Variants in CLTA observed in about 807,000 individuals in gnomAD.
CLTA encodes clathrin light chain A.
Under a neutral mutation model 26.9 loss-of-function variants are expected in CLTA, and 9 were observed. The observed-to-expected ratio is 0.33, with a 90% CI of 0.20 to 0.58. CLTA has a LOEUF of 0.58. Among genes scored for constraint, CLTA ranks in the 20% least tolerant of loss-of-function variants. The probability of loss-of-function intolerance (pLI) is 0.85; values close to 1 mark genes in which losing one functional copy is unlikely to be tolerated. For missense variants in CLTA, 278 were observed against 294.2 expected (o/e 0.94, Z 0.40); for synonymous variants, 120 against 115.5 (o/e 1.04, Z -0.25).
chr9:36,197,608 T>C lies in CLTA; in HGVS notation c.255+20T>C. 1 of 1,564,130 alleles carries C rather than the reference T, an allele frequency of 6.4e-7. No individual in the cohort carries two copies. Among genetic ancestry groups the C allele is most frequent in the Non-Finnish European group, 8.8e-7 (1 of 1,138,552 alleles). On this transcript the variant is annotated intron_variant, in intron 2 of 4. Transcript: ENST00000345519. ...TACCAGGTACAGAGTACTCTGATTC[T>C]GTTCATTGATAGTGATTGAGAATCT...
chr9:36,201,048 A>G (rs1827373139), intron 3 of CLTA, among the ~76,000 whole-genome samples: 1 of 152,178 alleles, frequency 6.6e-6, no homozygotes, highest in Non-Finnish European at 1.5e-5. Context: ...TTTCTTCTCC[A>G]TGGAGAGAGT....
chr9:36,191,343 TTC>T lies in CLTA; in HGVS notation c.217+72_217+73del. The T allele has an allele frequency of 2.1e-6, 3 of 1,416,114 alleles. No homozygotes were observed. In the South Asian group the frequency reaches 4.4e-5, roughly 21 times the overall value. 87.7% of individuals were successfully genotyped at this position (1,416,114 alleles called of 1,614,324 possible). A position where few individuals can be genotyped will look rare whatever the true frequency, so the allele number is the denominator to read the frequency against. ...CTCGGTCCACAGTGGGTCCGAGAGCTTCTGTGTGACTCGTGCTCCTTGCTGAA... is the reference window on the plus strand; with the variant it reads ...CTCGGTCCACAGTGGGTCCGAGAGCTTGTGTGACTCGTGCTCCTTGCTGAA... On this transcript the variant is annotated intron_variant, in intron 1 of 4. Coordinates refer to ENST00000345519, the MANE Select transcript of CLTA (RefSeq NM_001833.4).
chr9:36,192,717 G>A (rs1826803079), intron 1 of CLTA, among the ~76,000 whole-genome samples: 1 of 152,082 alleles, frequency 6.6e-6, no homozygotes, highest in Non-Finnish European at 1.5e-5. Flanking sequence ...AGAGAGAAAC[G>A]ACTTGCTTAA....
intron 3 of CLTA, 29 bp downstream of exon 3, chr9:36,199,125 CTG>C: frequency 7.0e-7 from 1 of 1,429,048 alleles, no homozygotes; most frequent in African/African-American, 1.4e-5. Context: ...GTTTTGGTGT[CTG>C]TTTTCAGTGG....
Position 36,211,682 on chromosome 9 carries a change from G to C in CLTA, c.565G>C (p.Asp189His), listed in dbSNP as rs1450092937. The C allele has an allele frequency of 1.2e-6, 2 of 1,614,086 alleles. No individual in the cohort carries two copies. Among genetic ancestry groups the C allele is most frequent in the Admixed American group, 1.7e-5 (1 of 60,010 alleles). ...TEWERVARLC[D>H]FNPKSSKQAK... ...GTGGGAACGGGTGGCCCGGCTGTGT[G>C]ACTTTAACCCCAAGTCTAGCAAGCA... The change falls in exon 5 of 5, where the codon GAC becomes CAC. Residue 189 changes from aspartate to histidine, a missense_variant. Physicochemically the swap from Asp to His is moderately conservative, Grantham distance 81. Coordinates refer to ENST00000345519, the MANE Select transcript of CLTA (RefSeq NM_001833.4).
chr9:36,207,742 A>G (rs933606405), intron 4 of CLTA, among the ~76,000 whole-genome samples: 1 of 152,228 alleles, frequency 6.6e-6, no homozygotes, highest in African/African-American at 2.4e-5. Flanking sequence ...AAGGAGCAAG[A>G]GCCTGACATT....
chr9:36,191,493 G>A (rs189945560), intron 1 of CLTA, among the ~76,000 whole-genome samples: 1 of 152,218 alleles, frequency 6.6e-6, no homozygotes, highest in Admixed American at 6.5e-5. Flanking sequence ...CGGGCGGAGC[G>A]AGAAAGCAAG....
chr9:36,207,608 G>A (rs1030053555), intron 4 of CLTA, among the ~76,000 whole-genome samples: 20 of 152,212 alleles, frequency 1.3e-4, no homozygotes, highest in African/African-American at 4.8e-4. Flanking sequence ...CTACTTTCAA[G>A]TGAAGGACAA....
intron 1 of CLTA, among the ~76,000 whole-genome samples, chr9:36,196,910 C>T (rs1827080829): frequency 1.3e-5 from 2 of 152,310 alleles, no homozygotes; most frequent in Non-Finnish European, 2.9e-5. Flanking sequence ...CATGGTGGCT[C>T]ATGCCTGTAA....
intron 4 of CLTA, chr9:36,210,719 A>T (rs1482986257): frequency 1.9e-6 from 3 of 1,605,324 alleles, no homozygotes; most frequent in Admixed American, 1.7e-5. Context: ...GCAGTGTTGT[A>T]GTGGCTCTGG....
intron 4 of CLTA, among the ~76,000 whole-genome samples, chr9:36,205,588 G>A (rs1827672344): frequency 6.6e-6 from 1 of 152,144 alleles, no homozygotes; most frequent in Non-Finnish European, 1.5e-5. Context: ...CTCTGGGTCT[G>A]TGATGCGTCA....
intron 4 of CLTA, chr9:36,210,630 A>G: frequency 6.2e-7 from 1 of 1,614,170 alleles, no homozygotes; most frequent in Non-Finnish European, 8.5e-7. Context: ...TTAAGCACAA[A>G]CATAAACCAT....
At chr9:36,202,593 A>C (rs933015573) in intron 3 of CLTA, among the ~76,000 whole-genome samples, 39 of 152,332 alleles carry the variant, frequency 2.6e-4, no homozygotes, top group African/African-American at 9.1e-4. Flanking sequence ...CTGGGTTTGA[A>C]TCTTGGCTCT....
Position 36,197,568 on chromosome 9 carries a change from A to G in CLTA, c.235A>G (p.Met79Val). ...PGGPDAVDGV[M>V]NGEYYQESNG... ...TCTTGCAGATGCTGTTGATGGAGTA[A>G]TGAATGGTGAATACTACCAGGTACA... is the stretch of plus-strand genomic sequence containing the variant. Residue 79 changes from methionine to valine, a missense_variant, in exon 2 of 5, where the codon ATG becomes GTG. Transcript: ENST00000345519. 1 of 1,611,178 alleles carries G rather than the reference A, an allele frequency of 6.2e-7. No individual in the cohort carries two copies. Among genetic ancestry groups the G allele is most frequent in the Non-Finnish European group, 8.5e-7 (1 of 1,178,102 alleles).
intron 1 of CLTA, among the ~76,000 whole-genome samples, chr9:36,192,364 C>T (rs1209941764): frequency 1.3e-5 from 2 of 152,206 alleles, no homozygotes; most frequent in Non-Finnish European, 2.9e-5. Context: ...TCAGATCCAG[C>T]AGTCTCAAGT....
intron 3 of CLTA, 140 bp downstream of exon 3, chr9:36,199,236 C>T (rs561173240): frequency 4.4e-6 from 3 of 686,864 alleles, no homozygotes; most frequent in Admixed American, 2.0e-5. Flanking sequence ...CTGAAGGTTA[C>T]AAGGCTACCT....
At chr9:36,194,115 T>C (rs1826895719) in intron 1 of CLTA, among the ~76,000 whole-genome samples, 1 of 152,094 alleles carries the variant, frequency 6.6e-6, no homozygotes, top group African/African-American at 2.4e-5. Context: ...AACCTCCGCC[T>C]CCTGGGTTCA....
chr9:36,196,197 T>A (rs1354979877), intron 1 of CLTA, among the ~76,000 whole-genome samples: 2 of 151,150 alleles, frequency 1.3e-5, no homozygotes, highest in African/African-American at 4.9e-5. Flanking sequence ...AGAGAATCAC[T>A]TGAACAACCC....
intron 4 of CLTA, among the ~76,000 whole-genome samples, chr9:36,208,778 A>G (rs1368191292): frequency 6.6e-6 from 1 of 152,180 alleles, no homozygotes; most frequent in Non-Finnish European, 1.5e-5. Context: ...GCATGACTAT[A>G]CAGTAGAAAG....
Sources: allele counts gnomAD v4.1 joint callset (sites outside exome capture counted in the v4.1 genomes callset), GRCh38; gene constraint gnomAD v4.1.1; transcripts MANE v1.5; gene names NCBI Gene and HGNC (gene_info 2026-07-23, HGNC 2026-07-21).